Variants in PCDH18 observed in about 807,000 individuals in gnomAD.
The protein encoded by PCDH18 is protocadherin-18.
Under a neutral mutation model 71.5 loss-of-function variants are expected in PCDH18, and 38 were observed. The ratio of observed to expected loss-of-function variants is 0.53; its 90% CI spans 0.41 to 0.70. The LOEUF is 0.70. PCDH18 is among the 30% of genes least tolerant of loss of function. PCDH18 has a pLI of 0.00. For synonymous variants in PCDH18, 565 were observed against 505.4 expected (o/e 1.12, Z -1.58); for missense variants, 1,334 against 1,384.6 (o/e 0.96, Z 0.58).
Position 137,532,079 on chromosome 4 carries a change from T to C in PCDH18, c.10A>G (p.Met4Val). Residue 4 changes from methionine (M) to valine (V), a missense_variant, in exon 1 of 4, where the codon ATG (methionine) becomes GTG (valine). Coordinates refer to ENST00000344876, the MANE Select transcript of PCDH18 (RefSeq NM_019035.5). ...AACCTAAAGTGCATTTTAGCATTCA[T>C]TTGGTGCATTGGTCAGTTTATGAGA... MHQ[M>V]NAKMHFRFVF... 1.2e-6 allele frequency: 2 copies of C among 1,607,992 alleles called. No homozygotes were observed. Among genetic ancestry groups the C allele is most frequent in the Non-Finnish European group, 1.7e-6 (2 of 1,176,440 alleles).
At chr4:137,524,577 C>T (rs183991193) in intron 3 of PCDH18, among the ~76,000 whole-genome samples, 88 of 152,236 alleles carry the variant, frequency 5.8e-4, no homozygotes, top group African/African-American at 1.9e-3. Context: ...GATTCAGTTA[C>T]ACAAAGTGAT....
At position 137,519,449 on chromosome 4, in the gene PCDH18, C is replaced by G. The variant is rs1251057674; in HGVS notation, c.*1580G>C. ...TATTCAAGCAATTATTGCTTGCTTA[C>G]TCTTTTTTCTTTATTCCCCAAATGC... On this transcript the variant is annotated 3_prime_UTR_variant, in exon 4 of 4. Coordinates refer to ENST00000344876, the MANE Select transcript of PCDH18 (RefSeq NM_019035.5). 1 of 152,058 alleles carries G rather than the reference C, an allele frequency of 6.6e-6. No homozygotes were observed. The highest frequency in any genetic ancestry group is 2.4e-5 in the African/African-American group (1 of 41,390). 9.4% of individuals were successfully genotyped at this position (152,058 alleles called of 1,614,324 possible). A position where few individuals can be genotyped will look rare whatever the true frequency, so the allele number is the denominator to read the frequency against.
In PCDH18 at chr4:137,530,858, A is replaced by T; in HGVS notation, c.1231T>A (p.Tyr411Asn). 1 of 1,609,578 alleles carries T rather than the reference A, an allele frequency of 6.2e-7. No homozygotes were observed. Among genetic ancestry groups the T allele is most frequent in the Non-Finnish European group, 8.5e-7 (1 of 1,177,482 alleles). The change falls in exon 1 of 4, where the codon TAT becomes AAT. Residue 411 changes from tyrosine (Y) to asparagine (N), a missense_variant. Transcript: ENST00000344876. ...GHGHFKLQKT[Y>N]ENNYLILTNA... The stretch of plus-strand genomic sequence containing the variant: ...GTTAAGATTAAATAATTGTTTTCAT[A>T]TGTCTTCTGAAGTTTAAAGTGACCA...
In PCDH18 at chr4:137,529,702, T is replaced by A. The variant is rs1731594707; in HGVS notation, c.2387A>T (p.His796Leu). 2 of 1,614,014 alleles carry A rather than the reference T, an allele frequency of 1.2e-6. No individual in the cohort carries two copies. Among genetic ancestry groups the A allele is most frequent in the Non-Finnish European group, 8.5e-7 (1 of 1,179,920 alleles). The part of the protein sequence containing the change: ...ERGQMGSRQS[H>L]NSHQSLNSLV... ...ACTGTTGAGTGACTGGTGACTGTTG[T>A]GACTCTGCCGGCTGCCCATCTGCCC... The change falls in exon 1 of 4, where the codon CAC becomes CTC. Residue 796 changes from histidine (H) to leucine (L), a missense_variant. Physicochemically the swap from His to Leu is moderately conservative, Grantham distance 99 (BLOSUM62 -3). Around this residue, in one of 3 missense-constraint regions of PCDH18, gnomAD observed 1,011 missense variants for 1,048.0 expected, o/e 0.96. Transcript: ENST00000344876.
At position 137,520,393 on chromosome 4, in the gene PCDH18, G is replaced by A. The variant is rs1731255751; in HGVS notation, c.*636C>T. ...TGACTTTAATTCTGTTTTCATCATT[G>A]TCTATAAAAAGTTCATTTGAGATAG... On this transcript the variant is annotated 3_prime_UTR_variant, in exon 4 of 4. Coordinates refer to ENST00000344876, the MANE Select transcript of PCDH18 (RefSeq NM_019035.5). 1 of 152,154 alleles carries A rather than the reference G, an allele frequency of 6.6e-6. No individual in the cohort carries two copies. Among genetic ancestry groups the A allele is most frequent in the Non-Finnish European group, 1.5e-5 (1 of 68,018 alleles). 9.4% of individuals were successfully genotyped at this position (152,154 alleles called of 1,614,324 possible).
At position 137,529,943 on chromosome 4, in the gene PCDH18, T is replaced by A. The variant is rs766244679; in HGVS notation, c.2146A>T (p.Ile716Phe). 1.2e-6 allele frequency: 2 copies of A among 1,613,960 alleles called. No individual in the cohort carries two copies. The highest frequency in any genetic ancestry group is 8.5e-7 in the Non-Finnish European group (1 of 1,179,930). Residue 716 changes from isoleucine (I) to phenylalanine (F), a missense_variant, in exon 1 of 4, where the codon ATT becomes TTT. Ile to Phe is a conservative substitution (Grantham distance 21). Coordinates refer to ENST00000344876, the MANE Select transcript of PCDH18 (RefSeq NM_019035.5). ...CACCTAGTTGCAAATAGCACCATAATAACCAGCAACACTGCACAAATTGCT... is the reference window on the plus strand; with the variant it reads ...CACCTAGTTGCAAATAGCACCATAAAAACCAGCAACACTGCACAAATTGCT... ...LGAICAVLLV[I>F]MVLFATRCNR...
At chr4:137,527,950 C>A (rs547272959) in intron 3 of PCDH18, among the ~76,000 whole-genome samples, 2 of 152,214 alleles carry the variant, frequency 1.3e-5, no homozygotes, top group East Asian at 3.9e-4. Context: ...CTGTGCTTAC[C>A]ACCTACAAAG....
rs1560720791 is a variant in PCDH18, at chr4:137,520,965, T to G, written c.*64A>C. The stretch of plus-strand genomic sequence containing the variant: ...GGCAATGCCAGTTCTTTCAGGGTTT[T>G]TTGTTGTTGTTGTTGTTCCCTATTT... On this transcript the variant is annotated 3_prime_UTR_variant, in exon 4 of 4. Coordinates refer to ENST00000344876, the MANE Select transcript of PCDH18 (RefSeq NM_019035.5). The G allele has an allele frequency of 4.2e-6, 5 of 1,199,542 alleles. No homozygotes were observed. The highest frequency in any genetic ancestry group is 3.0e-5 in the African/African-American group (2 of 65,640). 74.3% of individuals were successfully genotyped at this position (1,199,542 alleles called of 1,614,324 possible). A position where few individuals can be genotyped will look rare whatever the true frequency, so the allele number is the denominator to read the frequency against.
In PCDH18 at chr4:137,520,110, A is replaced by T. The variant is rs1731247069; in HGVS notation, c.*919T>A. ...AAATAGAATGGGTTCAGAATAAGTC[A>T]ATTATATTTACTACCTTAGGAGAGA... On this transcript the variant is annotated 3_prime_UTR_variant, in exon 4 of 4. Coordinates refer to ENST00000344876, the MANE Select transcript of PCDH18 (RefSeq NM_019035.5). The T allele has an allele frequency of 6.6e-6, 1 of 152,644 alleles. No homozygotes were observed. Among genetic ancestry groups the T allele is most frequent in the Non-Finnish European group, 1.5e-5 (1 of 68,036 alleles). 9.5% of individuals were successfully genotyped at this position (152,644 alleles called of 1,614,324 possible). A position where few individuals can be genotyped will look rare whatever the true frequency, so the allele number is the denominator to read the frequency against.
Position 137,531,537 on chromosome 4 carries a change from G to A in PCDH18, c.552C>T (p.Ile184=). ...YSLSANDFFN[I]EVRTRTDGAK... ...CTCCATCAGTCCTGGTCCGAACCTC[G>A]ATATTAAAAAAATCATTGGCAGAGA... Residue 184 remains isoleucine (I), a synonymous_variant, in exon 1 of 4, where the codon ATC becomes ATT. Transcript: ENST00000344876. The A allele has an allele frequency of 6.2e-7, 1 of 1,613,164 alleles. No individual in the cohort carries two copies. Among genetic ancestry groups the A allele is most frequent in the Non-Finnish European group, 8.5e-7 (1 of 1,179,598 alleles).
chr4:137,532,409 T>C lies in PCDH18; in HGVS notation c.-321A>G, dbSNP rs1731747320. On this transcript the variant is annotated 5_prime_UTR_variant, in exon 1 of 4. Coordinates refer to ENST00000344876, the MANE Select transcript of PCDH18 (RefSeq NM_019035.5). ...TGCAGGGTGCCGGTGGAGTCTGCAGTGTGTCTTTCCTGAGCGATTCTTTCT... is the reference window on the plus strand; with the variant it reads ...TGCAGGGTGCCGGTGGAGTCTGCAGCGTGTCTTTCCTGAGCGATTCTTTCT... 1.4e-6 allele frequency: 1 copy of C among 697,488 alleles called. No individual in the cohort carries two copies. Among genetic ancestry groups the C allele is most frequent in the African/African-American group, 1.8e-5 (1 of 57,018 alleles). The allele number at this position is 697,488 out of a possible 1,614,324, so 43.2% of individuals were successfully genotyped here. A position where few individuals can be genotyped will look rare whatever the true frequency, so the allele number is the denominator to read the frequency against.
rs774803625 is a variant in PCDH18, at chr4:137,521,240, G to T, written c.3197C>A (p.Thr1066Asn). The T allele has an allele frequency of 4.3e-6, 7 of 1,613,930 alleles. No individual in the cohort carries two copies. Among genetic ancestry groups the T allele is most frequent in the South Asian group, 1.1e-5 (1 of 91,086 alleles). ...WAASTHFQNP[T>N]TNCGPPLGTH... ...TCCAAGTGGCGGCCCACAGTTGGTGGTGGGATTTTGAAAATGCGTACTGGC... is the reference window on the plus strand; with the variant it reads ...TCCAAGTGGCGGCCCACAGTTGGTGTTGGGATTTTGAAAATGCGTACTGGC... The change falls in exon 4 of 4, where the codon ACC becomes AAC. Residue 1066 changes from threonine (T) to asparagine (N), a missense_variant. By Grantham distance (65) the Thr-to-Asn change is moderately conservative. Coordinates refer to ENST00000344876, the MANE Select transcript of PCDH18 (RefSeq NM_019035.5).
intron 3 of PCDH18, among the ~76,000 whole-genome samples, chr4:137,523,793 T>A (rs774580313): frequency 2.6e-5 from 4 of 152,150 alleles, no homozygotes; most frequent in African/African-American, 9.7e-5. Flanking sequence ...CAAAAATAAG[T>A]TTGGTCATAG....
Position 137,532,011 on chromosome 4 carries a change from C to T in PCDH18, c.78G>A (p.Leu26=). ...LLIVSFNHDV[L]GKNLKYRIYE... ...AAATCCTGTATTTCAAATTCTTGCC[C>T]AGTACATCGTGGTTGAAAGATACTA... The change falls in exon 1 of 4, where the codon CTG becomes CTA. Residue 26 remains leucine, a synonymous_variant. Coordinates refer to ENST00000344876, the MANE Select transcript of PCDH18 (RefSeq NM_019035.5). 6.2e-7 allele frequency: 1 copy of T among 1,613,906 alleles called. No homozygotes were observed.
chr4:137,520,980 G>T lies in PCDH18; in HGVS notation c.*49C>A. On this transcript the variant is annotated 3_prime_UTR_variant, in exon 4 of 4. Transcript: ENST00000344876. ...TTCAGGGTTTTTTGTTGTTGTTGTT[G>T]TTCCCTATTTCCATATACATGGAAA... The T allele has an allele frequency of 7.6e-7, 1 of 1,314,780 alleles. No individual in the cohort carries two copies. 81.4% of individuals were successfully genotyped at this position (1,314,780 alleles called of 1,614,324 possible).
chr4:137,529,111 A>G, intron 1 of PCDH18: 1 of 389,784 alleles, frequency 2.6e-6, no homozygotes, highest in African/African-American at 2.0e-5. Flanking sequence ...AGACAAAGTG[A>G]CCACCTGTAA....
intron 3 of PCDH18, among the ~76,000 whole-genome samples, chr4:137,523,725 C>T (rs1305034682): frequency 6.6e-6 from 1 of 151,974 alleles, no homozygotes; most frequent in East Asian, 1.9e-4. Context: ...AACATATAAC[C>T]AACAATACAA....
At chr4:137,525,540 T>A (rs1281235578) in intron 3 of PCDH18, among the ~76,000 whole-genome samples, 1 of 152,128 alleles carries the variant, frequency 6.6e-6, no homozygotes, top group East Asian at 1.9e-4. Context: ...CTGGGGTAAA[T>A]AATAAATTGG....
At chr4:137,525,707 C>T (rs180828771) in intron 3 of PCDH18, among the ~76,000 whole-genome samples, 36 of 152,184 alleles carry the variant, frequency 2.4e-4, no homozygotes, top group African/African-American at 8.2e-4. Context: ...TAGCTTTGAC[C>T]ACACCTCAGA....
Sources: gnomAD v4.1 joint callset for allele counts (sites outside exome capture counted in the v4.1 genomes callset) on GRCh38, gnomAD v4.1.1 for gene constraint, gnomAD v4.1.1 regional missense constraint, MANE v1.5 for transcripts, NCBI Gene and HGNC (gene_info 2026-07-23, HGNC 2026-07-21) for gene names.